Variants in ARHGAP11B observed in about 807,000 individuals in gnomAD.
The protein encoded by ARHGAP11B is Rho GTPase activating protein 11B.
A neutral mutation model predicts 27.6 loss-of-function variants in ARHGAP11B; 14 were observed. The ratio of observed to expected loss-of-function variants is 0.51; its 90% CI spans 0.34 to 0.79. The LOEUF (loss-of-function observed/expected upper bound fraction) is 0.79, where lower values mean the gene tolerates loss of function less well. Ranked by LOEUF, ARHGAP11B falls within the 30% of genes least tolerant of loss-of-function variation. The pLI is 0.02. For synonymous variants in ARHGAP11B, 82 were observed against 114.1 expected (o/e 0.72, Z 1.80); for missense variants, 245 against 320.1 (o/e 0.77, Z 1.79).
At chr15:30,644,825 T>G in intron 8 of ARHGAP11B, 2 of 915,910 alleles carry the variant, frequency 2.2e-6, no homozygotes, top group Non-Finnish European at 3.5e-6. Flanking sequence ...TGACAATTGG[T>G]TATATTCTTG....
At chr15:30,646,520 A>G (rs1214026882) in intron 9 of ARHGAP11B, among the ~76,000 whole-genome samples, 2 of 151,922 alleles carry the variant, frequency 1.3e-5, no homozygotes, top group Non-Finnish European at 2.9e-5. Context: ...TTAGATTTCC[A>G]TTTTATGTTA....
rs535007250 is a variant in ARHGAP11B, at chr15:30,628,483, T to C, written c.129+1534T>C. Among the ~76,000 whole-genome samples the C allele has an allele frequency of 4.6e-5, 7 of 152,192 alleles. 1 individual carries two copies. The highest frequency in any genetic ancestry group is 2.6e-4 in the Admixed American group (4 of 15,272). On this transcript the variant is annotated intron_variant, in intron 1 of 10. Transcript: ENST00000428041. ...TACTACATCTGTAAACTTGGGCTGC[T>C]TGTTTGATTTCCCTAAGCTTCAGTT...
At chr15:30,643,929 A>G (rs2060329878) in intron 7 of ARHGAP11B, among the ~76,000 whole-genome samples, 1 of 152,008 alleles carries the variant, frequency 6.6e-6, no homozygotes, top group South Asian at 2.1e-4. Flanking sequence ...ATCCAACTAC[A>G]TGGTTTCTTC....
chr15:30,631,030 GGGAAA>G (rs2060242164), intron 2 of ARHGAP11B, among the ~76,000 whole-genome samples: 1 of 151,624 alleles, frequency 6.6e-6, no homozygotes, highest in Admixed American at 6.6e-5. Flanking sequence ...CTTCTAGCCA[GGGAAA>G]TGAAGAAGAA....
intron 2 of ARHGAP11B, among the ~76,000 whole-genome samples, chr15:30,632,884 G>A (rs182302809): frequency 3.3e-4 from 50 of 152,106 alleles, no homozygotes; most frequent in African/African-American, 1.2e-3. Context: ...AGGTGGCCTT[G>A]GACGGAGCCC....
intron 1 of ARHGAP11B, among the ~76,000 whole-genome samples, chr15:30,628,079 C>CTTT (rs371979874): frequency 1.4e-5 from 2 of 141,042 alleles, no homozygotes; most frequent in African/African-American, 2.6e-5. Flanking sequence ...TTTTCTTTTC[C>CTTT]TTTTTTTTTT....
exon 1 of ARHGAP11B, chr15:30,626,908 T>G: frequency 6.2e-7 from 1 of 1,613,360 alleles, no homozygotes; most frequent in Non-Finnish European, 8.5e-7. Context: ...CCGTGGGCAG[T>G]GCGATCGCAG....
intron 4 of ARHGAP11B, 28 bp from the exon 5 acceptor site, chr15:30,635,052 C>G: frequency 6.2e-7 from 1 of 1,607,316 alleles, no homozygotes; most frequent in Non-Finnish European, 8.5e-7. Flanking sequence ...CGTTTGGCTC[C>G]ATCTAATAAA....
exon 11 of ARHGAP11B, among the ~76,000 whole-genome samples, chr15:30,648,315 C>G (rs545083544): frequency 1.3e-5 from 2 of 152,034 alleles, no homozygotes; most frequent in East Asian, 3.9e-4. Flanking sequence ...AGCAGCATAC[C>G]AGGTGGAAAG....
At chr15:30,646,562 G>T (rs1271580514) in intron 9 of ARHGAP11B, among the ~76,000 whole-genome samples, 1 of 151,830 alleles carries the variant, frequency 6.6e-6, no homozygotes, top group Non-Finnish European at 1.5e-5. Flanking sequence ...TATATAGGCT[G>T]AGGCAGGAAA....
At chr15:30,640,034 G>A (rs910669548) in intron 7 of ARHGAP11B, among the ~76,000 whole-genome samples, 3 of 147,326 alleles carry the variant, frequency 2.0e-5, no homozygotes, top group Admixed American at 6.8e-5. Context: ...TCTATTGAAA[G>A]TTGTGATAAC....
At chr15:30,633,125 A>G (rs942269486) in intron 2 of ARHGAP11B, among the ~76,000 whole-genome samples, 45 of 150,224 alleles carry the variant, frequency 3.0e-4, no homozygotes, top group African/African-American at 1.1e-3. Flanking sequence ...GAAGAGAGCT[A>G]TTTCTTTGGA....
chr15:30,633,539 G>C, exon 3 of ARHGAP11B: 1 of 1,613,318 alleles, frequency 6.2e-7, no homozygotes, highest in East Asian at 2.2e-5. Flanking sequence ...TCATACCGAA[G>C]GGCTTTTTCG....
At chr15:30,648,989 T>C (rs2060369546) in exon 11 of ARHGAP11B, 2 of 152,182 alleles carry the variant, frequency 1.3e-5, no homozygotes, top group East Asian at 1.9e-4. Flanking sequence ...GAAATATTTA[T>C]TTAAACACTT....
chr15:30,634,284 C>A, exon 4 of ARHGAP11B: 1 of 1,613,172 alleles, frequency 6.2e-7, no homozygotes. Flanking sequence ...AGCTGATTTG[C>A]ATGAAGCACT....
chr15:30,641,294 C>T (rs935169608), intron 7 of ARHGAP11B, among the ~76,000 whole-genome samples: 5 of 150,766 alleles, frequency 3.3e-5, no homozygotes, highest in African/African-American at 9.8e-5. Flanking sequence ...TATATAAAGA[C>T]AACATTAGTC....
intron 7 of ARHGAP11B, among the ~76,000 whole-genome samples, chr15:30,640,490 A>G (rs1167733067): frequency 7.0e-6 from 1 of 142,190 alleles, no homozygotes; most frequent in Non-Finnish European, 1.5e-5. Flanking sequence ...ACAGAATTCA[A>G]GTTGGCTCAT....
At chr15:30,635,223 T>C (rs374363097) in intron 5 of ARHGAP11B, 35 bp downstream of exon 5, 22 of 1,607,092 alleles carry the variant, frequency 1.4e-5, no homozygotes, top group African/African-American at 2.7e-5. Context: ...CAGACTCTTA[T>C]CGATTATGCA....
chr15:30,645,319 A>G (rs1383875924), intron 8 of ARHGAP11B, among the ~76,000 whole-genome samples: 2 of 151,982 alleles, frequency 1.3e-5, no homozygotes, highest in Non-Finnish European at 2.9e-5. Context: ...ATGATTTGAA[A>G]TAAATTTAAA....
Sources: allele counts gnomAD v4.1 joint callset (sites outside exome capture counted in the v4.1 genomes callset), GRCh38; gene constraint gnomAD v4.1.1; transcripts MANE v1.5; gene names NCBI Gene and HGNC (gene_info 2026-07-23, HGNC 2026-07-21).